Variants in RARB observed in about 807,000 individuals in gnomAD.
RARB encodes the protein retinoic acid receptor beta, also known as HBV-activated protein.
A neutral mutation model predicts 51.9 loss-of-function variants in RARB; 17 were observed. The observed-to-expected ratio is 0.33, with a 90% CI of 0.22 to 0.49. RARB has a LOEUF of 0.49. Ranked by LOEUF, RARB falls within the 20% of genes least tolerant of loss-of-function variation. The pLI, the probability that RARB is intolerant of heterozygous loss-of-function variation, is 0.99. For missense variants in RARB, 369 were observed against 550.8 expected (o/e 0.67, Z 3.30); for synonymous variants, 215 against 195.4 (o/e 1.10, Z -0.84).
At chr3:25,255,284 A>G (rs1702834246) in intron 5 of RARB, among the ~76,000 whole-genome samples, 1 of 152,192 alleles carries the variant, frequency 6.6e-6, no homozygotes, top group Non-Finnish European at 1.5e-5. Context: ...GTGGGTCCTT[A>G]GATCACAGCC....
At chr3:25,485,722 ATTTT>A (rs1270674568) in intron 2 of RARB, among the ~76,000 whole-genome samples, 2 of 152,048 alleles carry the variant, frequency 1.3e-5, no homozygotes, top group Non-Finnish European at 2.9e-5. Context: ...ATTTCCATTT[ATTTT>A]TTCCCTTTTA....
At chr3:25,271,868 G>A (rs1703265033) in intron 5 of RARB, among the ~76,000 whole-genome samples, 1 of 152,156 alleles carries the variant, frequency 6.6e-6, no homozygotes, top group Non-Finnish European at 1.5e-5. Context: ...TATAGAGTAA[G>A]TAGGCAACAG....
At position 25,428,888 on chromosome 3, in the gene RARB, T is replaced by C. The variant is rs1370373664; in HGVS notation, c.157T>C (p.Ser53Pro). The C allele has an allele frequency of 6.3e-7, 1 of 1,596,122 alleles. No individual in the cohort carries two copies. The change falls in exon 1 of 8, where the codon TCA (serine) becomes CCA (proline). Residue 53 changes from serine to proline, a missense_variant and splice_region_variant. By Grantham distance (74) the Ser-to-Pro change is moderately conservative. Coordinates refer to ENST00000330688, the MANE Select transcript of RARB (RefSeq NM_000965.5). ...ATGGCAGCATCGGCACACTGCTCAA[T>C]GTAGGTTTATTTTTTTCCCTTCTTC... ...TEWQHRHTAQ[S>P]IETQSTSSEE...
rs146432242 is a variant in RARB at position 25,201,322 on chromosome 3, G to A, written c.178+26747G>A. ...CTGAAGTTGCTTATCAGCTTAAGGCGATTTTGGGCTGAGACGATGGGGTTT... is the reference window on the plus strand; with the variant it reads ...CTGAAGTTGCTTATCAGCTTAAGGCAATTTTGGGCTGAGACGATGGGGTTT... On this transcript the variant is annotated intron_variant, in intron 5 of 11. Coordinates refer to the RARB transcript ENST00000383772. Among the ~76,000 whole-genome samples the A allele has an allele frequency of 6.2e-3, 949 of 152,258 alleles. 17 individuals are homozygous for A. The highest frequency in any genetic ancestry group is 0.03 in the East Asian group (155 of 5,178).
chr3:24,829,757 T>C (rs1222347518), intron 1 of RARB, among the ~76,000 whole-genome samples: 1 of 152,166 alleles, frequency 6.6e-6, no homozygotes, highest in African/African-American at 2.4e-5. Context: ...CCCAGGGGCG[T>C]GAACCCAGGA....
rs1294522278 is a variant in RARB, at chr3:25,138,888, CT to C, written c.-280+6681del. Among the ~76,000 whole-genome samples, 13 of 152,216 alleles carry C rather than the reference CT, an allele frequency of 8.5e-5. No individual in the cohort carries two copies. In the East Asian group the frequency reaches 2.5e-3, roughly 29 times the overall value. On this transcript the variant is annotated intron_variant, in intron 4 of 11. Coordinates refer to the RARB transcript ENST00000383772. ...TGTGGCAACCCTGTGTTGATCAAGT[CT>C]GTTAGCACTGTTTCCAGCAGAATGT...
At chr3:25,399,305 T>A (rs966772920) in intron 5 of RARB, among the ~76,000 whole-genome samples, 1 of 152,200 alleles carries the variant, frequency 6.6e-6, no homozygotes, top group African/African-American at 2.4e-5. Context: ...GTATCTTTAT[T>A]TTCTTCAGTG....
At chr3:24,943,087 T>C (rs1015564046) in intron 2 of RARB, among the ~76,000 whole-genome samples, 1 of 152,190 alleles carries the variant, frequency 6.6e-6, no homozygotes, top group African/African-American at 2.4e-5. Flanking sequence ...GAACTCCTAG[T>C]GAATGACACC....
At chr3:25,530,963 C>G (rs542694958) in intron 3 of RARB, among the ~76,000 whole-genome samples, 2 of 152,228 alleles carry the variant, frequency 1.3e-5, no homozygotes, top group African/African-American at 4.8e-5. Context: ...AGGAGCAAAC[C>G]CTAAGACAAG....
chr3:25,347,078 G>A (rs6787363), intron 5 of RARB, among the ~76,000 whole-genome samples: 53,311 of 152,020 alleles, frequency 0.35, 10,325 homozygotes, highest in East Asian at 0.78. Context: ...TAGGTTGACC[G>A]GGAAAACATA....
intron 2 of RARB, among the ~76,000 whole-genome samples, chr3:24,949,632 G>A (rs2125404950): frequency 6.6e-6 from 1 of 152,292 alleles, no homozygotes; most frequent in Middle Eastern, 3.4e-3. Context: ...AAAACAAAAT[G>A]TGACTATTTT....
rs115631534 is a variant in RARB, at chr3:25,300,255, A to G, written c.178+125680A>G. ...ATTATAATTTGTTCAGCACTGATGC[A>G]TAACTCCTCAATGTGGAAAAATGAG... On this transcript the variant is annotated intron_variant, in intron 5 of 11. Coordinates refer to the RARB transcript ENST00000383772. Among the ~76,000 whole-genome samples the G allele has an allele frequency of 3.5e-3, 537 of 152,344 alleles. 3 individuals are homozygous for G. Among genetic ancestry groups the G allele is most frequent in the African/African-American group, 0.012 (519 of 41,596 alleles).
At chr3:24,955,946 A>G (rs184842839) in intron 2 of RARB, among the ~76,000 whole-genome samples, 2 of 152,188 alleles carry the variant, frequency 1.3e-5, no homozygotes, top group Admixed American at 1.3e-4. Flanking sequence ...CTTGAGGCTG[A>G]CCTGGAATCT....
At chr3:25,063,750 G>C (rs1353128920) in intron 3 of RARB, among the ~76,000 whole-genome samples, 1 of 151,172 alleles carries the variant, frequency 6.6e-6, no homozygotes, top group East Asian at 1.9e-4. Flanking sequence ...ACAGACCTTG[G>C]GATGTTAGGA....
At chr3:25,494,989 A>AT (rs1361145752) in intron 2 of RARB, among the ~76,000 whole-genome samples, 1 of 152,110 alleles carries the variant, frequency 6.6e-6, no homozygotes, top group Non-Finnish European at 1.5e-5. Context: ...CTTTGTCATC[A>AT]TTTTTTTACA....
intron 2 of RARB, among the ~76,000 whole-genome samples, chr3:25,472,345 G>A (rs1003513205): frequency 2.0e-5 from 3 of 152,128 alleles, no homozygotes; most frequent in East Asian, 1.9e-4. Context: ...TAAAAGCCCC[G>A]GCCAAGAATG....
intron 2 of RARB, among the ~76,000 whole-genome samples, chr3:25,481,136 T>A (rs1201971118): frequency 2.0e-5 from 3 of 152,142 alleles, no homozygotes; most frequent in South Asian, 4.1e-4. Context: ...TCTCCAGACA[T>A]TTCACTACTA....
At chr3:25,486,327 G>A (rs1282061621) in intron 2 of RARB, among the ~76,000 whole-genome samples, 1 of 152,218 alleles carries the variant, frequency 6.6e-6, no homozygotes, top group African/African-American at 2.4e-5. Context: ...TGGAACTACA[G>A]AAATGGTTCA....
chr3:25,203,891 C>G (rs1575216898), intron 5 of RARB, among the ~76,000 whole-genome samples: 1 of 152,204 alleles, frequency 6.6e-6, no homozygotes, highest in East Asian at 1.9e-4. Flanking sequence ...AATTATGAAT[C>G]TGACAATTAT....
Sources: gnomAD v4.1 joint callset for allele counts (sites outside exome capture counted in the v4.1 genomes callset) on GRCh38, gnomAD v4.1.1 for gene constraint, MANE v1.5 for transcripts, NCBI Gene and HGNC (gene_info 2026-07-23, HGNC 2026-07-21) for gene names.